LARP1: variants seen among roughly 807,000 people sequenced by gnomAD.
LARP1 encodes the protein La ribonucleoprotein 1, translational regulator.
Under a neutral mutation model 122.7 loss-of-function variants are expected in LARP1, and 36 were observed. The observed-to-expected ratio is 0.29, with a 90% CI of 0.22 to 0.39. LARP1 has a LOEUF of 0.39. Ranked by LOEUF, LARP1 falls within the 10% of genes least tolerant of loss-of-function variation. The probability of loss-of-function intolerance (pLI) is 1.00; values close to 1 mark genes in which losing one functional copy is unlikely to be tolerated. For missense variants in LARP1, 1,040 were observed against 1,403.6 expected, an observed-to-expected ratio of 0.74 and a Z score of 4.14; for synonymous variants, 539 against 528.7, an observed-to-expected ratio of 1.02 and a Z score of -0.27.
At chr5:154,797,677 C>A (rs1360665906) in intron 8 of LARP1, among the ~76,000 whole-genome samples, 1 of 145,696 alleles carries the variant, frequency 6.9e-6, no homozygotes, top group African/African-American at 2.6e-5. Context: ...GTATGTCTAC[C>A]GTCTTTTTTT....
intron 3 of LARP1, chr5:154,791,935 C>T (rs1482163752): frequency 2.2e-6 from 1 of 455,932 alleles, no homozygotes; most frequent in East Asian, 6.9e-5. Flanking sequence ...TTTATAATCC[C>T]CATTTTACAG....
chr5:154,785,930 G>A (rs1051032294), intron 1 of LARP1, among the ~76,000 whole-genome samples: 1 of 152,106 alleles, frequency 6.6e-6, no homozygotes, highest in Non-Finnish European at 1.5e-5. Flanking sequence ...ATAACCTTAA[G>A]TAATCCAAGT....
chr5:154,768,384 C>A (rs1294300949), intron 1 of LARP1, among the ~76,000 whole-genome samples: 3 of 152,150 alleles, frequency 2.0e-5, no homozygotes, highest in African/African-American at 7.2e-5. Context: ...GGCTTATATT[C>A]TGAAAGGCAG....
chr5:154,792,827 G>A, intron 4 of LARP1, 31 bp downstream of exon 4: 1 of 1,607,378 alleles, frequency 6.2e-7, no homozygotes, highest in Non-Finnish European at 8.5e-7. Context: ...CTTGGGAGAA[G>A]GTGGCAGGGT....
At chr5:154,781,668 T>C (rs1024639989) in intron 1 of LARP1, among the ~76,000 whole-genome samples, 1 of 152,188 alleles carries the variant, frequency 6.6e-6, no homozygotes, top group Non-Finnish European at 1.5e-5. Context: ...TGCAAAGACA[T>C]TGTAAGGCAA....
At chr5:154,786,123 A>C (rs973008510) in intron 1 of LARP1, among the ~76,000 whole-genome samples, 13 of 151,840 alleles carry the variant, frequency 8.6e-5, no homozygotes, top group Admixed American at 5.9e-4. Flanking sequence ...GCTCACTGCA[A>C]CCTCCGCCTC....
At chr5:154,800,721 G>A (rs1033732691) in intron 10 of LARP1, among the ~76,000 whole-genome samples, 1 of 152,264 alleles carries the variant, frequency 6.6e-6, no homozygotes, top group Middle Eastern at 3.4e-3. Flanking sequence ...CCTGCTCACT[G>A]TCACCCACTT....
chr5:154,809,012 A>G (rs1759025783), intron 16 of LARP1, among the ~76,000 whole-genome samples: 1 of 152,112 alleles, frequency 6.6e-6, no homozygotes, highest in African/African-American at 2.4e-5. Context: ...GTTTAATACT[A>G]TATTTTGGAG....
Position 154,803,122 on chromosome 5 carries a change from C to G in LARP1, c.2110-168C>G, listed in dbSNP as rs930192121. Among the ~76,000 whole-genome samples the G allele has an allele frequency of 1.3e-5, 2 of 152,160 alleles. No individual in the cohort carries two copies. The highest frequency in any genetic ancestry group is 4.8e-5 in the African/African-American group (2 of 41,438). ...GGCTAGCACACTTGTGCCAAGGTAA[C>G]TGGGGTGAGGAATGGTGACTGGGCA... is the stretch of plus-strand genomic sequence containing the variant. On this transcript the variant is annotated intron_variant, in intron 11 of 18. Coordinates refer to ENST00000518297, the MANE Select transcript of LARP1 (RefSeq NM_033551.3). This position sits in a 1 kb window ranked among gnomAD's most constrained non-coding sequence, Gnocchi z 4.4.
chr5:154,709,625 T>C (rs938030756), upstream of LARP1, among the ~76,000 whole-genome samples: 6 of 91,354 alleles, frequency 6.6e-5, no homozygotes, highest in African/African-American at 2.4e-4. Flanking sequence ...TTTTTTTTTT[T>C]ACTCATTTTG....
At chr5:154,790,460 C>T (rs2113767253) in intron 2 of LARP1, 74 bp downstream of exon 2, 4 of 1,422,076 alleles carry the variant, frequency 2.8e-6, no homozygotes, top group East Asian at 2.3e-5. Flanking sequence ...AGTGAATGCT[C>T]CTGGACTGCC....
intron 1 of LARP1, among the ~76,000 whole-genome samples, chr5:154,761,968 G>A (rs980695247): frequency 6.6e-6 from 1 of 152,188 alleles, no homozygotes; most frequent in African/African-American, 2.4e-5. Flanking sequence ...CCTGCTGGGC[G>A]CGGGGGTTCA....
chr5:154,719,916 G>A lies in LARP1; in HGVS notation c.205+6786G>A, dbSNP rs937096341. Among the ~76,000 whole-genome samples the A allele has an allele frequency of 2.6e-5, 4 of 151,554 alleles. No individual in the cohort carries two copies. The South Asian group carries it at 6.2e-4, about 24-fold the overall frequency. On this transcript the variant is annotated intron_variant, in intron 1 of 18. Transcript: ENST00000336314. ...GTAATTTTAAAGTAACACTGGCCGG[G>A]CATGGTGGCTTATGCCTATAATCCC... is the stretch of plus-strand genomic sequence containing the variant.
intron 1 of LARP1, among the ~76,000 whole-genome samples, chr5:154,734,556 T>C (rs1274507852): frequency 6.6e-6 from 1 of 152,288 alleles, no homozygotes; most frequent in Non-Finnish European, 1.5e-5. Context: ...TTGACAAAAA[T>C]AGTATCACAC....
chr5:154,715,985 G>A (rs1327431766), intron 1 of LARP1, among the ~76,000 whole-genome samples: 1 of 152,132 alleles, frequency 6.6e-6, no homozygotes, highest in African/African-American at 2.4e-5. Context: ...ACAAGCAGTG[G>A]CAGAACTCCG....
rs1418908246 is a variant in LARP1 at position 154,808,386 on chromosome 5, C to T, written c.2699-73C>T. ...ATGAGAAAGGACCAAGTCTTAAGTT[C>T]CAGGATCCTTTCTCCCTGAAGCAAG... On this transcript the variant is annotated intron_variant, in intron 15 of 18. Coordinates refer to ENST00000518297, the MANE Select transcript of LARP1 (RefSeq NM_033551.3). The T allele has an allele frequency of 2.3e-5, 35 of 1,545,018 alleles. No homozygotes were observed. In the South Asian group the frequency reaches 4.1e-4, roughly 18 times the overall value.
chr5:154,767,220 A>G (rs1755025249), intron 1 of LARP1, among the ~76,000 whole-genome samples: 1 of 152,222 alleles, frequency 6.6e-6, no homozygotes, highest in Non-Finnish European at 1.5e-5. Flanking sequence ...GTGCCCACGT[A>G]CTAGGATCAT....
intron 1 of LARP1, among the ~76,000 whole-genome samples, chr5:154,693,327 G>A (rs1025721911): frequency 6.6e-6 from 1 of 152,036 alleles, no homozygotes; most frequent in Non-Finnish European, 1.5e-5. Flanking sequence ...TTGTAGAGAC[G>A]GATTTTGCCA....
Position 154,803,548 on chromosome 5 carries a change from G to T in LARP1, c.2242G>T (p.Asp748Tyr). The change falls in exon 13 of 19, where the codon GAT becomes TAT. Residue 748 changes from aspartate (D) to tyrosine (Y), a missense_variant. By Grantham distance (160) the Asp-to-Tyr change is radical. Around this residue, in one of 8 missense-constraint regions of LARP1, gnomAD observed 362 missense variants for 533.1 expected, o/e 0.68. Transcript: ENST00000518297. This position sits in a 1 kb window ranked among gnomAD's most constrained non-coding sequence, Gnocchi z 4.4. ...GPPRFQQVPT[D>Y]ALANKLFGAP... ...TCTCTCTGCCTCTGCAGTTCCTACG[G>T]ATGCCCTGGCCAACAAGTTGTTTGG... 1 of 1,614,140 alleles carries T rather than the reference G, an allele frequency of 6.2e-7. No individual in the cohort carries two copies. The highest frequency in any genetic ancestry group is 8.5e-7 in the Non-Finnish European group (1 of 1,180,036).
Sources: gnomAD v4.1 joint callset for allele counts (sites outside exome capture counted in the v4.1 genomes callset) on GRCh38, gnomAD v4.1.1 for gene constraint, gnomAD v4.1.1 regional missense constraint, Gnocchi (gnomAD v3.1) non-coding constraint, MANE v1.5 for transcripts, NCBI Gene and HGNC (gene_info 2026-07-23, HGNC 2026-07-21) for gene names.